Variants in MAPK8 observed in about 807,000 individuals in gnomAD.
MAPK8 encodes mitogen-activated protein kinase 8, also known as JUN N-terminal kinase.
In MAPK8, 13 loss-of-function variants were observed where a neutral mutation model predicts 52.9. The ratio of observed to expected loss-of-function variants is 0.25; its 90% confidence interval spans 0.16 to 0.39. The LOEUF (loss-of-function observed/expected upper bound fraction) is 0.39. MAPK8 is among the 10% of genes least tolerant of loss of function. MAPK8 has a pLI of 1.00. For synonymous variants in MAPK8, 191 were observed against 169.8 expected, an observed-to-expected ratio of 1.12 and a Z score of -0.97; for missense variants, 300 against 519.2, an observed-to-expected ratio of 0.58 and a Z score of 4.10.
At position 48,373,571 on chromosome 10, in the gene MAPK8, C is replaced by CAAAAAAAAAAAAAAAAAAAAAAAA. The variant is rs539162576; in HGVS notation, c.-49-28037_-49-28014dup. Among the ~76,000 whole-genome samples, 11 of 16,844 alleles carry CAAAAAAAAAAAAAAAAAAAAAAAA rather than the reference C, an allele frequency of 6.5e-4. 3 individuals are homozygous for CAAAAAAAAAAAAAAAAAAAAAAAA. The highest frequency in any genetic ancestry group is 1.6e-3 in the African/African-American group (10 of 6,370). The allele number at this position is 16,844 out of a possible 152,430, so 11.1% of individuals were successfully genotyped here. On this transcript the variant is annotated intron_variant, in intron 1 of 11. Coordinates refer to ENST00000374189, the MANE Select transcript of MAPK8 (RefSeq NM_001323329.2). ...GAAGATTTACCAAGTAAATTGAAAG[C>CAAAAAAAAAAAAAAAAAAAAAAAA]AAAAAAAAAAAAAAAAAAAAAAAAA...
At position 48,413,377 on chromosome 10, in the gene MAPK8, G is replaced by A. The variant is rs562635682; in HGVS notation, c.450+3209G>A. Among the ~76,000 whole-genome samples the A allele has an allele frequency of 2.0e-5, 3 of 152,216 alleles. No homozygotes were observed. The South Asian group carries it at 6.2e-4, about 32-fold the overall frequency. The stretch of plus-strand genomic sequence containing the variant: ...AGAAACTGCCACACTGTTTTCCATA[G>A]CAGCTGTACCATTTTACATTCCCAC... On this transcript the variant is annotated intron_variant, in intron 5 of 11. Coordinates refer to ENST00000374189, the MANE Select transcript of MAPK8 (RefSeq NM_001323329.2).
At chr10:48,423,976 T>TC in intron 6 of MAPK8, 112 bp from the exon 7 acceptor site, 1 of 623,928 alleles carries the variant, frequency 1.6e-6, no homozygotes, top group Non-Finnish European at 2.7e-6. Flanking sequence ...ACAATCACTT[T>TC]TTTTCTTTTC....
Position 48,419,388 on chromosome 10 carries a change from C to T in MAPK8, c.451-767C>T, listed in dbSNP as rs2043227826. Among the ~76,000 whole-genome samples the T allele has an allele frequency of 1.3e-5, 2 of 152,188 alleles. 1 individual carries two copies. Among genetic ancestry groups the T allele is most frequent in the South Asian group, 4.1e-4 (2 of 4,826 alleles). ...TTATAATAGTATTCATCAAAGCTAA[C>T]AGGCAAAGTATGTTAAACATGAAGC... On this transcript the variant is annotated intron_variant, in intron 5 of 11. Transcript: ENST00000374189.
intron 1 of MAPK8, among the ~76,000 whole-genome samples, chr10:48,388,583 T>C (rs1273062807): frequency 6.6e-6 from 1 of 152,158 alleles, no homozygotes; most frequent in Non-Finnish European, 1.5e-5. Context: ...TTTCTAGAGC[T>C]TTTTCTTTTC....
At chr10:48,339,986 T>G (rs185951807) in intron 1 of MAPK8, among the ~76,000 whole-genome samples, 242 of 152,266 alleles carry the variant, frequency 1.6e-3, no homozygotes, top group African/African-American at 5.6e-3. Context: ...ATGGAAAACA[T>G]TCTGGAGATT....
chr10:48,438,302 A>T lies in MAPK8; in HGVS notation c.*3273A>T, dbSNP rs2045020950. The T allele has an allele frequency of 6.6e-6, 1 of 152,176 alleles. No homozygotes were observed. Among genetic ancestry groups the T allele is most frequent in the African/African-American group, 2.4e-5 (1 of 41,432 alleles). 9.4% of individuals were successfully genotyped at this position (152,176 alleles called of 1,614,324 possible). A position where few individuals can be genotyped will look rare whatever the true frequency, so the allele number is the denominator to read the frequency against. The stretch of plus-strand genomic sequence containing the variant: ...TTTTGTGTGCATTGTGTTTCTACTG[A>T]TCTCTCTTAGGTTTTTACGGAATCA... On this transcript the variant is annotated 3_prime_UTR_variant, in exon 12 of 12. Coordinates refer to ENST00000374189, the MANE Select transcript of MAPK8 (RefSeq NM_001323329.2).
chr10:48,382,777 A>T lies in MAPK8; in HGVS notation c.-49-18835A>T, dbSNP rs756410158. ...ATTTTATATATTTTTTATATATTATATATCTTTATATATACTTATATATAA... is the reference window on the plus strand; with the variant it reads ...ATTTTATATATTTTTTATATATTATTTATCTTTATATATACTTATATATAA... On this transcript the variant is annotated intron_variant, in intron 1 of 11. Transcript: ENST00000374189. 2.0e-5 allele frequency among the ~76,000 whole-genome samples: 3 copies of T among 147,254 alleles called. No individual in the cohort carries two copies. In the South Asian group the frequency reaches 6.3e-4, roughly 31 times the overall value.
chr10:48,414,549 G>GT, intron 5 of MAPK8, among the ~76,000 whole-genome samples: 1 of 144,300 alleles, frequency 6.9e-6, no homozygotes, highest in Non-Finnish European at 1.5e-5. Flanking sequence ...GAACTCCTGG[G>GT]TTCAATAGGT....
At chr10:48,367,570 G>A (rs1003462963) in intron 1 of MAPK8, among the ~76,000 whole-genome samples, 1 of 151,968 alleles carries the variant, frequency 6.6e-6, no homozygotes, top group African/African-American at 2.4e-5. Flanking sequence ...TTAATCATAA[G>A]TAACATTATT....
intron 1 of MAPK8, among the ~76,000 whole-genome samples, chr10:48,400,966 A>G (rs1038300134): frequency 6.8e-5 from 8 of 117,898 alleles, no homozygotes; most frequent in Non-Finnish European, 1.4e-4. Context: ...GTATCCCAAT[A>G]TGCCTAACTA....
At chr10:48,389,148 C>T (rs2041488406) in intron 1 of MAPK8, among the ~76,000 whole-genome samples, 1 of 152,040 alleles carries the variant, frequency 6.6e-6, no homozygotes, top group African/African-American at 2.4e-5. Flanking sequence ...GAAAAATGAA[C>T]TTTGAGAATA....
At chr10:48,347,367 C>T (rs1027269633) in intron 1 of MAPK8, among the ~76,000 whole-genome samples, 2 of 152,202 alleles carry the variant, frequency 1.3e-5, no homozygotes, top group Non-Finnish European at 2.9e-5. Context: ...CATGCTGACA[C>T]TGAAATAACA....
chr10:48,328,409 TC>T (rs1843744495), intron 1 of MAPK8, among the ~76,000 whole-genome samples: 1 of 152,174 alleles, frequency 6.6e-6, no homozygotes, highest in South Asian at 2.1e-4. Flanking sequence ...TGATCAGTTG[TC>T]TCACATTTGG....
chr10:48,334,768 G>A lies in MAPK8; in HGVS notation c.-50+27947G>A, dbSNP rs188363220. ...TCCAAACCCAAATAATGGACTCGGAGACATGAAGAACAGCGGAAGTAAGAC... is the reference window on the plus strand; with the variant it reads ...TCCAAACCCAAATAATGGACTCGGAAACATGAAGAACAGCGGAAGTAAGAC... On this transcript the variant is annotated intron_variant, in intron 1 of 11. Coordinates refer to ENST00000374189, the MANE Select transcript of MAPK8 (RefSeq NM_001323329.2). Among the ~76,000 whole-genome samples the A allele has an allele frequency of 2.0e-5, 3 of 152,260 alleles. No homozygotes were observed. The East Asian group carries it at 5.8e-4, about 29-fold the overall frequency.
intron 7 of MAPK8, 200 bp from the exon 8 acceptor site, chr10:48,425,688 T>C: frequency 2.3e-6 from 1 of 426,494 alleles, no homozygotes; most frequent in Non-Finnish European, 4.1e-6. Context: ...ACACAATAAA[T>C]AAGGTTAATA....
At chr10:48,404,393 T>C (rs557609479) in intron 2 of MAPK8, among the ~76,000 whole-genome samples, 22 of 152,028 alleles carry the variant, frequency 1.4e-4, no homozygotes, top group African/African-American at 5.3e-4. Context: ...CCTGACCTCA[T>C]GATCCACCCA....
intron 1 of MAPK8, among the ~76,000 whole-genome samples, chr10:48,350,196 G>A (rs1039387543): frequency 1.3e-5 from 2 of 152,176 alleles, no homozygotes; most frequent in Admixed American, 1.3e-4. Context: ...GGTACAAAGA[G>A]GAGCTGGTAC....
rs1032983325 is a variant in MAPK8 at position 48,349,910 on chromosome 10, CAAAAT to C, written c.-50+43094_-50+43098del. ...AGAAAAGATAAAAGAATCAAATAGA[CAAAAT>C]AAAAAATGATAAAGGTGATATCACC... is the stretch of plus-strand genomic sequence containing the variant. On this transcript the variant is annotated intron_variant, in intron 1 of 11. Transcript: ENST00000374189. Among the ~76,000 whole-genome samples, 38 of 151,950 alleles carry C rather than the reference CAAAAT, an allele frequency of 2.5e-4. 1 individual carries two copies. The highest frequency in any genetic ancestry group is 7.5e-4 in the African/African-American group (31 of 41,382).
In MAPK8 at chr10:48,358,094, TG is replaced by T. The variant is rs1847155334; in HGVS notation, c.-49-43516del. Among the ~76,000 whole-genome samples, 3 of 152,240 alleles carry T rather than the reference TG, an allele frequency of 2.0e-5. No homozygotes were observed. The South Asian group carries it at 6.2e-4, about 31-fold the overall frequency. ...TGAACCTTTGGATGTTGCTACCTTTTGGCTGTTGTGAATAGTGCTGCTATGA... is the reference window on the plus strand; with the variant it reads ...TGAACCTTTGGATGTTGCTACCTTTTGCTGTTGTGAATAGTGCTGCTATGA... On this transcript the variant is annotated intron_variant, in intron 1 of 11. Coordinates refer to ENST00000374189, the MANE Select transcript of MAPK8 (RefSeq NM_001323329.2).
Sources: gnomAD v4.1 joint callset for allele counts (sites outside exome capture counted in the v4.1 genomes callset) on GRCh38, gnomAD v4.1.1 for gene constraint, MANE v1.5 for transcripts, NCBI Gene and HGNC (gene_info 2026-07-23, HGNC 2026-07-21) for gene names.